PTPRD: variants seen among roughly 807,000 people sequenced by gnomAD.
The protein encoded by PTPRD is protein tyrosine phosphatase receptor type D.
A neutral mutation model predicts 214.5 loss-of-function variants in PTPRD; 34 were observed. The observed-to-expected ratio is 0.16, with a 90% CI of 0.12 to 0.21. The LOEUF (loss-of-function observed/expected upper bound fraction) is 0.21, where lower values mean the gene tolerates loss of function less well. Among genes scored for constraint, PTPRD ranks in the 10% least tolerant of loss-of-function variants. The pLI, the probability that PTPRD is intolerant of heterozygous loss-of-function variation, is 1.00. For synonymous variants in PTPRD, 1,128 were observed against 845.7 expected (o/e 1.33, Z -5.79); for missense variants, 2,545 against 2,398.7 (o/e 1.06, Z -1.27).
chr9:8,877,618 C>CA (rs2098405509), intron 11 of PTPRD, among the ~76,000 whole-genome samples: 1 of 152,056 alleles, frequency 6.6e-6, no homozygotes, highest in Non-Finnish European at 1.5e-5. Flanking sequence ...CTTCTATTTA[C>CA]AAAATGATAG....
intron 11 of PTPRD, among the ~76,000 whole-genome samples, chr9:8,929,224 T>A (rs1439788571): frequency 6.6e-6 from 1 of 152,142 alleles, no homozygotes; most frequent in Non-Finnish European, 1.5e-5. Flanking sequence ...TCCAACACTA[T>A]GTTTAATAGA....
At chr9:9,498,067 TG>T (rs2096266550) in intron 8 of PTPRD, among the ~76,000 whole-genome samples, 1 of 152,174 alleles carries the variant, frequency 6.6e-6, no homozygotes, top group African/African-American at 2.4e-5. Flanking sequence ...GTGTTTTAAT[TG>T]GAATCCATGA....
At chr9:8,634,033 G>A (rs1245431868) in intron 13 of PTPRD, among the ~76,000 whole-genome samples, 2 of 151,738 alleles carry the variant, frequency 1.3e-5, no homozygotes, top group East Asian at 3.9e-4. Flanking sequence ...CATTAATTTT[G>A]CCATAAATCA....
At chr9:10,120,545 G>C (rs562038717) in intron 3 of PTPRD, among the ~76,000 whole-genome samples, 2 of 151,894 alleles carry the variant, frequency 1.3e-5, no homozygotes, top group South Asian at 4.2e-4. Flanking sequence ...AGTGCACTTT[G>C]AAGTAAGCTT....
intron 11 of PTPRD, among the ~76,000 whole-genome samples, chr9:8,800,211 C>T (rs562132500): frequency 3.4e-4 from 52 of 152,056 alleles, no homozygotes; most frequent in African/African-American, 1.2e-3. Flanking sequence ...GTTTTAATGA[C>T]TTCATTTTTT....
chr9:9,160,136 A>G (rs1221695164), intron 10 of PTPRD, among the ~76,000 whole-genome samples: 1 of 152,210 alleles, frequency 6.6e-6, no homozygotes, highest in East Asian at 1.9e-4. Context: ...CTGGGCAATT[A>G]TTTTGTGGAT....
At chr9:9,894,455 A>C (rs12005991) in intron 5 of PTPRD, among the ~76,000 whole-genome samples, 21,381 of 151,964 alleles carry the variant, frequency 0.14, 3,253 homozygotes, top group African/African-American at 0.38. Flanking sequence ...TTTAAATTCA[A>C]TTTTTAACTT....
At chr9:10,146,810 G>C (rs2099025918) in intron 3 of PTPRD, among the ~76,000 whole-genome samples, 1 of 152,124 alleles carries the variant, frequency 6.6e-6, no homozygotes, top group Admixed American at 6.6e-5. Context: ...GGAGATTTGA[G>C]ATGCTGAAGT....
At chr9:8,690,255 C>T (rs781664465) in intron 12 of PTPRD, among the ~76,000 whole-genome samples, 7 of 151,866 alleles carry the variant, frequency 4.6e-5, no homozygotes, top group South Asian at 4.2e-4. Flanking sequence ...TGGCCGGGTG[C>T]GGAGGCTTGT....
chr9:8,682,423 T>C (rs1002880938), intron 12 of PTPRD, among the ~76,000 whole-genome samples: 6 of 143,430 alleles, frequency 4.2e-5, no homozygotes, highest in African/African-American at 1.7e-4. Flanking sequence ...CATATCCAAA[T>C]TACACCAATA....
chr9:9,216,328 C>G (rs1569563346), intron 9 of PTPRD, among the ~76,000 whole-genome samples: 1 of 152,142 alleles, frequency 6.6e-6, no homozygotes, highest in Non-Finnish European at 1.5e-5. Flanking sequence ...AGCCACTTAC[C>G]TCTCTCTACC....
intron 4 of PTPRD, among the ~76,000 whole-genome samples, chr9:9,940,617 G>C (rs118094712): frequency 0.014 from 2,147 of 152,176 alleles, 44 homozygotes; most frequent in Middle Eastern, 0.024. Context: ...AAATCGCATA[G>C]CATACCTGGA....
At chr9:8,598,065 T>A (rs569490481) in intron 14 of PTPRD, among the ~76,000 whole-genome samples, 3 of 152,248 alleles carry the variant, frequency 2.0e-5, no homozygotes, top group African/African-American at 7.2e-5. Context: ...GCCAAACATA[T>A]AAATATGCAT....
chr9:9,617,359 G>A (rs955159952), intron 7 of PTPRD, among the ~76,000 whole-genome samples: 2 of 152,116 alleles, frequency 1.3e-5, no homozygotes, highest in Admixed American at 6.6e-5. Flanking sequence ...ACCAACAGAA[G>A]AGCTGATTGT....
At chr9:9,894,452 T>C (rs1472531971) in intron 5 of PTPRD, among the ~76,000 whole-genome samples, 1 of 152,086 alleles carries the variant, frequency 6.6e-6, no homozygotes, top group East Asian at 1.9e-4. Context: ...TTTTTTAAAT[T>C]CAATTTTTAA....
chr9:10,590,053 T>G (rs1480860048), intron 2 of PTPRD, among the ~76,000 whole-genome samples: 1 of 152,066 alleles, frequency 6.6e-6, no homozygotes, highest in African/African-American at 2.4e-5. Context: ...ATGTTCCAAG[T>G]TTGACACCAT....
At chr9:8,961,749 G>A (rs921126249) in intron 11 of PTPRD, among the ~76,000 whole-genome samples, 2 of 151,960 alleles carry the variant, frequency 1.3e-5, no homozygotes, top group African/African-American at 2.4e-5. Flanking sequence ...TAATTTTGTC[G>A]ATGTAAAGAC....
chr9:9,528,291 T>A (rs10739194), intron 8 of PTPRD, among the ~76,000 whole-genome samples: 70,372 of 151,928 alleles, frequency 0.46, 17,151 homozygotes, highest in East Asian at 0.77. Flanking sequence ...GTAAAAATAT[T>A]CCTGGAACTG....
chr9:8,939,860 C>T (rs2099020474), intron 11 of PTPRD, among the ~76,000 whole-genome samples: 1 of 151,852 alleles, frequency 6.6e-6, no homozygotes, highest in African/African-American at 2.4e-5. Context: ...TTCTTAAACT[C>T]TTTATTTATT....
Sources: allele counts gnomAD v4.1 joint callset (sites outside exome capture counted in the v4.1 genomes callset), GRCh38; gene constraint gnomAD v4.1.1; transcripts MANE v1.5; gene names NCBI Gene and HGNC (gene_info 2026-07-23, HGNC 2026-07-21).